Variants in ARHGAP44 observed in about 807,000 individuals in gnomAD.
ARHGAP44 encodes rho GTPase-activating protein 44.
ARHGAP44 carries 43 observed loss-of-function variants against 106.8 expected under a neutral mutation model. That is an observed-to-expected ratio of 0.40 (90% confidence interval 0.32 to 0.52). ARHGAP44 has a LOEUF of 0.52. ARHGAP44 is among the 20% of genes least tolerant of loss of function. The pLI is 0.48. For synonymous variants in ARHGAP44, 439 were observed against 410.3 expected (o/e 1.07, Z -0.85); for missense variants, 866 against 1,050.5 (o/e 0.82, Z 2.43).
chr17:12,889,958 C>T (rs572234234), intron 1 of ARHGAP44, among the ~76,000 whole-genome samples: 1 of 152,360 alleles, frequency 6.6e-6, no homozygotes, highest in South Asian at 2.1e-4. Flanking sequence ...ATCATTTTTA[C>T]TCCATGTGTA....
intron 4 of ARHGAP44, among the ~76,000 whole-genome samples, chr17:12,914,799 G>GAAA (rs749775862): frequency 5.7e-5 from 7 of 123,262 alleles, no homozygotes; most frequent in African/African-American, 1.2e-4. Flanking sequence ...TCCATCTCAA[G>GAAA]AAAAAAAAAA....
chr17:12,829,342 A>C (rs887286418), intron 1 of ARHGAP44, among the ~76,000 whole-genome samples: 1 of 152,098 alleles, frequency 6.6e-6, no homozygotes. Flanking sequence ...GCCAGGGTGC[A>C]GCCCAAATCA....
intron 1 of ARHGAP44, among the ~76,000 whole-genome samples, chr17:12,835,231 G>A (rs901577614): frequency 2.0e-5 from 3 of 152,178 alleles, no homozygotes; most frequent in Non-Finnish European, 4.4e-5. Context: ...GTGTCAGTTA[G>A]TGTGAATTTT....
chr17:12,901,133 A>G (rs1455518924), intron 3 of ARHGAP44, among the ~76,000 whole-genome samples: 3 of 152,016 alleles, frequency 2.0e-5, no homozygotes, highest in Non-Finnish European at 4.4e-5. Context: ...CATGTTGGCC[A>G]GGCTGGTATC....
chr17:12,841,715 A>G (rs950621376), intron 1 of ARHGAP44, among the ~76,000 whole-genome samples: 2 of 151,584 alleles, frequency 1.3e-5, no homozygotes, highest in African/African-American at 4.9e-5. Context: ...TACTTTCTCC[A>G]CTTGTGACCC....
Position 12,941,112 on chromosome 17 carries a change from C to T in ARHGAP44, c.639C>T (p.Asn213=). The change falls in exon 8 of 21, where the codon AAC becomes AAT. Residue 213 remains asparagine, a synonymous_variant. Coordinates refer to ENST00000379672, the MANE Select transcript of ARHGAP44 (RefSeq NM_014859.6). ...SFVAKEIDYA[N]YFQTLIEVQA... ...TGGCCAAAGAAATTGACTATGCAAACTACTTTCAAACGGTAAGTGCCCAGA... is the reference window on the plus strand; with the variant it reads ...TGGCCAAAGAAATTGACTATGCAAATTACTTTCAAACGGTAAGTGCCCAGA... 1 of 1,613,960 alleles carries T rather than the reference C, an allele frequency of 6.2e-7. No individual in the cohort carries two copies. Among genetic ancestry groups the T allele is most frequent in the South Asian group, 1.1e-5 (1 of 91,076 alleles).
intron 10 of ARHGAP44, among the ~76,000 whole-genome samples, chr17:12,948,544 G>T (rs1318844208): frequency 6.6e-6 from 1 of 152,006 alleles, no homozygotes; most frequent in Non-Finnish European, 1.5e-5. Context: ...GGTGGCGGGT[G>T]CCTGTAATCC....
At chr17:12,833,036 T>C (rs1365946327) in intron 1 of ARHGAP44, among the ~76,000 whole-genome samples, 1 of 152,222 alleles carries the variant, frequency 6.6e-6, no homozygotes. Context: ...ACAGTACTAT[T>C]TGAGAGCTCC....
chr17:12,831,027 A>G (rs1220310247), intron 1 of ARHGAP44, among the ~76,000 whole-genome samples: 1 of 152,330 alleles, frequency 6.6e-6, no homozygotes, highest in East Asian at 1.9e-4. Flanking sequence ...GTTTTTGTCC[A>G]CTTGCACAGT....
At chr17:12,917,716 G>T (rs1176570968) in intron 5 of ARHGAP44, among the ~76,000 whole-genome samples, 1 of 152,186 alleles carries the variant, frequency 6.6e-6, no homozygotes, top group Non-Finnish European at 1.5e-5. Flanking sequence ...TCCCTACAAT[G>T]ATGGAAATAT....
chr17:12,985,069 C>T (rs1053323555), intron 20 of ARHGAP44, 161 bp downstream of exon 20: 1 of 908,018 alleles, frequency 1.1e-6, no homozygotes, highest in Non-Finnish European at 1.6e-6. Context: ...TAGAAGCCCA[C>T]CAATGGAAAG....
At chr17:12,981,733 G>A (rs1027177318) in intron 19 of ARHGAP44, among the ~76,000 whole-genome samples, 6 of 151,322 alleles carry the variant, frequency 4.0e-5, no homozygotes, top group African/African-American at 1.5e-4. Context: ...TTAACTGGCC[G>A]GACGCAGTGG....
At chr17:12,975,627 C>G (rs575856651) in intron 18 of ARHGAP44, among the ~76,000 whole-genome samples, 1 of 151,434 alleles carries the variant, frequency 6.6e-6, no homozygotes, top group Non-Finnish European at 1.5e-5. Context: ...TGAAACCCCA[C>G]CTCTACTAAA....
intron 3 of ARHGAP44, among the ~76,000 whole-genome samples, chr17:12,904,665 T>G (rs2037494236): frequency 6.6e-6 from 1 of 152,204 alleles, no homozygotes; most frequent in Non-Finnish European, 1.5e-5. Flanking sequence ...TATCTCTATG[T>G]GAAAAGGAAA....
chr17:12,964,509 A>G (rs970197588), intron 16 of ARHGAP44, among the ~76,000 whole-genome samples: 2 of 152,218 alleles, frequency 1.3e-5, no homozygotes, highest in Non-Finnish European at 2.9e-5. Flanking sequence ...GGCTGGGCGC[A>G]GTGGCTCACA....
intron 1 of ARHGAP44, among the ~76,000 whole-genome samples, chr17:12,824,364 A>G (rs1172691912): frequency 2.0e-5 from 3 of 152,124 alleles, no homozygotes; most frequent in African/African-American, 7.2e-5. Context: ...ATGGAGAGGC[A>G]AAAGTGGAAG....
intron 1 of ARHGAP44, among the ~76,000 whole-genome samples, chr17:12,820,271 G>A (rs914167870): frequency 6.6e-6 from 1 of 151,852 alleles, no homozygotes; most frequent in Non-Finnish European, 1.5e-5. Context: ...AATAATAATT[G>A]TACATATTCA....
chr17:12,861,319 A>G (rs114892975), intron 1 of ARHGAP44, among the ~76,000 whole-genome samples: 204 of 152,276 alleles, frequency 1.3e-3, no homozygotes, highest in African/African-American at 4.7e-3. Context: ...TATTCCTGCT[A>G]TGATAAATTA....
Position 12,984,827 on chromosome 17 carries a change from G to A in ARHGAP44, c.2236G>A (p.Val746Ile), listed in dbSNP as rs773222963. 1 of 1,613,942 alleles carries A rather than the reference G, an allele frequency of 6.2e-7. No individual in the cohort carries two copies. Among genetic ancestry groups the A allele is most frequent in the Non-Finnish European group, 8.5e-7 (1 of 1,179,894 alleles). The change falls in exon 20 of 21, where the codon GTA becomes ATA. Residue 746 changes from valine (V) to isoleucine (I), a missense_variant. Val to Ile is a conservative substitution (Grantham distance 29, BLOSUM62 3). Transcript: ENST00000379672. Reference protein sequence around the residue: ...PTLPPPQPPTVNLSASSPQST... With the variant: ...PTLPPPQPPTINLSASSPQST... ...TCTGCCGCCTCCTCAGCCTCCCACA[G>A]TAAACCTCTCGGCCTCTAGTCCACA...
Sources: allele counts gnomAD v4.1 joint callset (sites outside exome capture counted in the v4.1 genomes callset), GRCh38; gene constraint gnomAD v4.1.1; transcripts MANE v1.5; gene names NCBI Gene and HGNC (gene_info 2026-07-23, HGNC 2026-07-21).